Variants in ABCD3 observed in about 807,000 individuals in gnomAD.
ABCD3 encodes ATP-binding cassette sub-family D member 3.
ABCD3 carries 41 observed loss-of-function variants against 105.5 expected under a neutral mutation model. The ratio of observed to expected loss-of-function variants is 0.39; its 90% CI spans 0.30 to 0.50. ABCD3 has a LOEUF of 0.50. Ranked by LOEUF, ABCD3 falls within the 20% of genes least tolerant of loss-of-function variation. The probability of loss-of-function intolerance (pLI) is 0.84; values close to 1 mark genes in which losing one functional copy is unlikely to be tolerated. For missense variants in ABCD3, 622 were observed against 806.3 expected (o/e 0.77, Z 2.77); for synonymous variants, 258 against 269.0 (o/e 0.96, Z 0.40).
chr1:94,452,649 AAAT>A (rs1647312914), intron 1 of ABCD3, among the ~76,000 whole-genome samples: 1 of 152,250 alleles, frequency 6.6e-6, no homozygotes, highest in Non-Finnish European at 1.5e-5. Flanking sequence ...AATTTTAAAA[AAAT>A]GTTGGTGTAA....
intron 1 of ABCD3, among the ~76,000 whole-genome samples, chr1:94,443,439 T>C (rs1660209055): frequency 6.6e-6 from 1 of 152,232 alleles, no homozygotes; most frequent in African/African-American, 2.4e-5. Flanking sequence ...ACTGTTCCTT[T>C]GTTGTGTAGA....
intron 16 of ABCD3, among the ~76,000 whole-genome samples, chr1:94,493,966 G>A (rs1055053971): frequency 6.6e-6 from 1 of 151,964 alleles, no homozygotes; most frequent in African/African-American, 2.4e-5. Flanking sequence ...CTGGGGGAGG[G>A]ATAGCATTAG....
At chr1:94,467,167 T>G (rs1648180092) in intron 3 of ABCD3, among the ~76,000 whole-genome samples, 1 of 152,202 alleles carries the variant, frequency 6.6e-6, no homozygotes, top group Non-Finnish European at 1.5e-5. Flanking sequence ...GTGTGTAAAC[T>G]CAGTACAGTA....
At chr1:94,445,707 T>A (rs1557665842) in intron 1 of ABCD3, among the ~76,000 whole-genome samples, 1 of 152,140 alleles carries the variant, frequency 6.6e-6, no homozygotes, top group Non-Finnish European at 1.5e-5. Context: ...GCAGTGCCTC[T>A]TCAGTGCTGT....
chr1:94,458,590 CT>C lies in ABCD3; in HGVS notation c.111-10del. ...TCACATAAAGTAAAGCTCTCTCTCT[CT>C]TTTTTTCCTCTGCAGTAAGAAAAGT... is the stretch of plus-strand genomic sequence containing the variant. On this transcript the variant is annotated splice_polypyrimidine_tract_variant and intron_variant, in intron 1 of 22. Transcript: ENST00000370214. The C allele has an allele frequency of 2.5e-6, 4 of 1,607,518 alleles. No homozygotes were observed. The highest frequency in any genetic ancestry group is 1.1e-5 in the South Asian group (1 of 90,826).
chr1:94,510,634 T>C (rs1000056386), intron 21 of ABCD3, among the ~76,000 whole-genome samples: 10 of 152,136 alleles, frequency 6.6e-5, no homozygotes, highest in African/African-American at 2.4e-4. Flanking sequence ...TAAGTCTCTT[T>C]GTAGGTCGCT....
At position 94,487,909 on chromosome 1, in the gene ABCD3, A is replaced by G; in HGVS notation, c.1083A>G (p.Gly361=). 1 of 1,613,798 alleles carries G rather than the reference A, an allele frequency of 6.2e-7. No individual in the cohort carries two copies. The highest frequency in any genetic ancestry group is 2.2e-5 in the East Asian group (1 of 44,856). ...SELLEDYYQS[G]RMLLRMSQAL... is the part of the protein sequence containing the mutation. Reference sequence around the variant, plus strand: ...TATTTAAGGATTACTACCAAAGTGGAAGAATGCTTTTGCGAATGTCTCAAG... The same window carrying G: ...TATTTAAGGATTACTACCAAAGTGGGAGAATGCTTTTGCGAATGTCTCAAG... Residue 361 remains glycine, a synonymous_variant, in exon 13 of 23, where the codon GGA becomes GGG. Coordinates refer to ENST00000370214, the MANE Select transcript of ABCD3 (RefSeq NM_002858.4).
At chr1:94,459,411 G>T (rs903074345) in intron 2 of ABCD3, among the ~76,000 whole-genome samples, 5 of 152,066 alleles carry the variant, frequency 3.3e-5, no homozygotes, top group African/African-American at 1.2e-4. Flanking sequence ...TAGTTGTCCA[G>T]TTATGGCCTG....
chr1:94,422,045 G>A (rs1659277657), intron 1 of ABCD3, among the ~76,000 whole-genome samples: 1 of 152,162 alleles, frequency 6.6e-6, no homozygotes, highest in Non-Finnish European at 1.5e-5. Context: ...TGGGATTACA[G>A]GCATGAGCCA....
chr1:94,438,852 G>A (rs1660030905), intron 1 of ABCD3, among the ~76,000 whole-genome samples: 1 of 152,120 alleles, frequency 6.6e-6, no homozygotes, highest in African/African-American at 2.4e-5. Context: ...ACTTCTATGT[G>A]CACTGGGAAA....
intron 1 of ABCD3, among the ~76,000 whole-genome samples, chr1:94,421,028 T>C (rs2100864585): frequency 6.6e-6 from 1 of 152,256 alleles, no homozygotes; most frequent in Non-Finnish European, 1.5e-5. Context: ...TTAATTTTTG[T>C]TAATGTAATT....
rs573033522 is a variant in ABCD3 at position 94,516,345 on chromosome 1, T to G, written c.1903-707T>G. ...TGACTTTTAAAGATAGCTTTTATTA[T>G]TTTATGGCATATTATAACTTGTCAA... On this transcript the variant is annotated intron_variant, in intron 22 of 22. Transcript: ENST00000370214. Among the ~76,000 whole-genome samples, 3 of 152,144 alleles carry G rather than the reference T, an allele frequency of 2.0e-5. No individual in the cohort carries two copies. In the East Asian group the frequency reaches 5.8e-4, roughly 29 times the overall value.
upstream of ABCD3, among the ~76,000 whole-genome samples, chr1:94,415,360 C>T (rs1482188634): frequency 6.6e-6 from 1 of 152,188 alleles, no homozygotes; most frequent in African/African-American, 2.4e-5. Flanking sequence ...TTCTCAGTAG[C>T]TCAAATTCTT....
At chr1:94,507,244 A>G (rs1225729435) in intron 21 of ABCD3, among the ~76,000 whole-genome samples, 151 of 150,412 alleles carry the variant, frequency 1.0e-3, no homozygotes, top group African/African-American at 3.1e-3. Context: ...TGCGGTGTTT[A>G]GTTTTTTGTT....
chr1:94,443,459 G>GTT (rs1369193506), intron 1 of ABCD3, among the ~76,000 whole-genome samples: 5 of 152,104 alleles, frequency 3.3e-5, no homozygotes, highest in Non-Finnish European at 5.9e-5. Flanking sequence ...AAGCTTTTTA[G>GTT]TTTAAGTCTC....
chr1:94,389,199 C>T, the ABCD3 span, among the ~76,000 whole-genome samples: 2 of 152,228 alleles, frequency 1.3e-5, no homozygotes, highest in African/African-American at 4.8e-5. Context: ...CTGTCCAAAA[C>T]TGGTTACTAC....
intron 11 of ABCD3, 21 bp from the exon 12 acceptor site, chr1:94,487,673 A>G (rs377560180): frequency 1.9e-6 from 3 of 1,613,704 alleles, no homozygotes; most frequent in South Asian, 1.1e-5. Flanking sequence ...ACTGTTTTAA[A>G]TCTTACCTGT....
chr1:94,391,366 C>T, the ABCD3 span, among the ~76,000 whole-genome samples: 2 of 152,152 alleles, frequency 1.3e-5, no homozygotes, highest in Admixed American at 6.5e-5. Flanking sequence ...CTCTGTCGCC[C>T]TCGTCAGAAT....
chr1:94,460,573 A>T (rs1167054241), intron 2 of ABCD3, among the ~76,000 whole-genome samples: 2 of 152,158 alleles, frequency 1.3e-5, no homozygotes, highest in African/African-American at 4.8e-5. Flanking sequence ...TACATTCTGC[A>T]TATCAGCTAG....
Sources: gnomAD v4.1 joint callset for allele counts (sites outside exome capture counted in the v4.1 genomes callset) on GRCh38, gnomAD v4.1.1 for gene constraint, MANE v1.5 for transcripts, NCBI Gene and HGNC (gene_info 2026-07-23, HGNC 2026-07-21) for gene names.